Variants in VPS54 observed in about 807,000 individuals in gnomAD.
The protein encoded by VPS54 is VPS54 subunit of GARP complex.
Under a neutral mutation model 121.5 loss-of-function variants are expected in VPS54, and 45 were observed. That is an observed-to-expected ratio of 0.37 (90% CI 0.29 to 0.47). The LOEUF is 0.47. Among genes scored for constraint, VPS54 ranks in the 20% least tolerant of loss-of-function variants. The probability of loss-of-function intolerance (pLI) is 0.99; values close to 1 mark genes in which losing one functional copy is unlikely to be tolerated. For synonymous variants in VPS54, 371 were observed against 385.8 expected (o/e 0.96, Z 0.45); for missense variants, 1,090 against 1,131.4 (o/e 0.96, Z 0.52).
chr2:63,919,625 A>T (rs1673547428), intron 15 of VPS54, among the ~76,000 whole-genome samples: 1 of 152,126 alleles, frequency 6.6e-6, no homozygotes, highest in Non-Finnish European at 1.5e-5. Flanking sequence ...TACCTGTATC[A>T]CAGATCGTTG....
At chr2:64,010,202 C>T (rs952849307) in intron 1 of VPS54, among the ~76,000 whole-genome samples, 8 of 152,140 alleles carry the variant, frequency 5.3e-5, no homozygotes, top group Admixed American at 5.2e-4. Context: ...TTTGAGAAAA[C>T]ATGGATAAAG....
rs973537099 is a variant in VPS54 at position 63,892,768 on chromosome 2, G to A, written c.*662C>T. ...ATTAATTACTTAAAAAAAGGCTTAAGTCTTTCAGGTATTTAGAGAGCTCTG... is the reference window on the plus strand; with the variant it reads ...ATTAATTACTTAAAAAAAGGCTTAAATCTTTCAGGTATTTAGAGAGCTCTG... On this transcript the variant is annotated 3_prime_UTR_variant, in exon 23 of 23. Transcript: ENST00000272322. 6.6e-6 allele frequency: 1 copy of A among 151,898 alleles called. No individual in the cohort carries two copies. Among genetic ancestry groups the A allele is most frequent in the African/African-American group, 2.4e-5 (1 of 41,204 alleles). The allele number at this position is 151,898 out of a possible 1,614,324, so 9.4% of individuals were successfully genotyped here. A position where few individuals can be genotyped will look rare whatever the true frequency, so the allele number is the denominator to read the frequency against.
chr2:64,012,052 T>A (rs1251528619), intron 1 of VPS54, among the ~76,000 whole-genome samples: 5 of 152,132 alleles, frequency 3.3e-5, no homozygotes, highest in African/African-American at 7.2e-5. Context: ...AAACAAACAA[T>A]AAATTAGTAT....
At chr2:63,933,501 A>ACCTC (rs1674310302) in intron 12 of VPS54, among the ~76,000 whole-genome samples, 172 bp downstream of exon 12, 1 of 152,112 alleles carries the variant, frequency 6.6e-6, no homozygotes, top group Non-Finnish European at 1.5e-5. Context: ...TCCAATGCTC[A>ACCTC]CCTCCTTACT....
At chr2:63,974,738 T>C (rs1293883677) in intron 3 of VPS54, among the ~76,000 whole-genome samples, 2 of 152,186 alleles carry the variant, frequency 1.3e-5, no homozygotes, top group African/African-American at 4.8e-5. Flanking sequence ...CAATTGTTCA[T>C]TGCTGGTATA....
intron 11 of VPS54, among the ~76,000 whole-genome samples, chr2:63,934,761 T>C (rs1674376075): frequency 6.6e-6 from 1 of 152,204 alleles, no homozygotes; most frequent in Non-Finnish European, 1.5e-5. Context: ...GTCAGCTCCA[T>C]TCCATGACAC....
chr2:63,991,727 G>T (rs182811231), intron 1 of VPS54, among the ~76,000 whole-genome samples: 2 of 152,080 alleles, frequency 1.3e-5, no homozygotes, highest in South Asian at 2.1e-4. Flanking sequence ...TGGGAAGTGG[G>T]ACCAGTCCCA....
Position 63,962,351 on chromosome 2 carries a change from G to T in VPS54, c.717C>A (p.His239Gln). 6.2e-7 allele frequency: 1 copy of T among 1,613,956 alleles called. No individual in the cohort carries two copies. Among genetic ancestry groups the T allele is most frequent in the Non-Finnish European group, 8.5e-7 (1 of 1,179,910 alleles). ...TTTTCCTGAGGTAGTCCTGCAACTC[G>T]TGTTGAGAGGTCATTGCATGAAAAA... is the stretch of plus-strand genomic sequence containing the variant. ...EAFFHAMTSQ[H>Q]ELQDYLRKTS... Residue 239 changes from histidine (H) to glutamine (Q), a missense_variant, in exon 7 of 23, where the codon CAC becomes CAA. Coordinates refer to ENST00000272322, the MANE Select transcript of VPS54 (RefSeq NM_016516.3).
chr2:63,943,820 G>A (rs1256594855), intron 10 of VPS54, among the ~76,000 whole-genome samples: 1 of 150,014 alleles, frequency 6.7e-6, no homozygotes, highest in Non-Finnish European at 1.5e-5. Flanking sequence ...GACCTCCCAG[G>A]CTCAAACCAT....
chr2:63,992,253 G>A (rs1194226446), intron 1 of VPS54, among the ~76,000 whole-genome samples: 3 of 152,328 alleles, frequency 2.0e-5, no homozygotes, highest in South Asian at 4.1e-4. Context: ...TTGGATTAAT[G>A]TAATTTCTGA....
At chr2:63,896,025 A>AC (rs1017133489) in intron 22 of VPS54, among the ~76,000 whole-genome samples, 1 of 152,176 alleles carries the variant, frequency 6.6e-6, no homozygotes, top group African/African-American at 2.4e-5. Flanking sequence ...TCTTTAAGGT[A>AC]CCCAGTATAC....
At chr2:63,947,346 C>G in intron 9 of VPS54, 37 bp downstream of exon 9, 1 of 1,488,134 alleles carries the variant, frequency 6.7e-7, no homozygotes, top group Non-Finnish European at 9.1e-7. Context: ...CACAAAGGTT[C>G]CAGACCAAAA....
At position 63,899,528 on chromosome 2, in the gene VPS54, T is replaced by C; in HGVS notation, c.2679A>G (p.Gln893=). The C allele has an allele frequency of 1.2e-6, 2 of 1,613,908 alleles. No individual in the cohort carries two copies. Among genetic ancestry groups the C allele is most frequent in the Non-Finnish European group, 8.5e-7 (1 of 1,179,960 alleles). The part of the protein sequence containing the change: ...PSACFRNICK[Q]MTKMHEAIFD... ...ATATAGCTTCGTGCATTTTTGTCATTTGCTTACAAATATTCCTGAAACAGG... is the reference window on the plus strand; with the variant it reads ...ATATAGCTTCGTGCATTTTTGTCATCTGCTTACAAATATTCCTGAAACAGG... Residue 893 remains glutamine (Q), a synonymous_variant, in exon 21 of 23, where the codon CAA becomes CAG. Transcript: ENST00000272322.
intron 7 of VPS54, among the ~76,000 whole-genome samples, chr2:63,957,080 T>C (rs1444839162): frequency 6.6e-6 from 1 of 152,190 alleles, no homozygotes; most frequent in Non-Finnish European, 1.5e-5. Context: ...TGATATATAT[T>C]GTTTCAATGA....
At chr2:63,913,069 T>C (rs1673223299) in intron 18 of VPS54, among the ~76,000 whole-genome samples, 154 bp downstream of exon 18, 1 of 152,000 alleles carries the variant, frequency 6.6e-6, no homozygotes, top group Non-Finnish European at 1.5e-5. Context: ...TTTTTTTCAG[T>C]GATGAGTATA....
chr2:63,965,704 C>G, intron 6 of VPS54, 131 bp downstream of exon 6: 1 of 1,300,892 alleles, frequency 7.7e-7, no homozygotes, highest in Middle Eastern at 2.6e-4. Flanking sequence ...GATTGGGAGG[C>G]TTATAGTTAT....
chr2:63,962,318 C>T lies in VPS54; in HGVS notation c.750G>A (p.Gln250=), dbSNP rs779056829. The T allele has an allele frequency of 6.2e-7, 1 of 1,613,944 alleles. No individual in the cohort carries two copies. ...ELQDYLRKTS[Q]AVKMLRDKIA... ...TTTTATCTCGAAGCATTTTTACAGCCTGGGAAGTTTTCCTGAGGTAGTCCT... is the reference window on the plus strand; with the variant it reads ...TTTTATCTCGAAGCATTTTTACAGCTTGGGAAGTTTTCCTGAGGTAGTCCT... The change falls in exon 7 of 23, where the codon CAG becomes CAA. Residue 250 remains glutamine, a synonymous_variant. Transcript: ENST00000272322.
chr2:63,921,757 A>G (rs545643553), intron 12 of VPS54, among the ~76,000 whole-genome samples: 115 of 152,296 alleles, frequency 7.6e-4, no homozygotes, highest in Non-Finnish European at 1.2e-3. Context: ...GCTAGGATTT[A>G]CAAGTGTGAG....
chr2:63,928,385 A>C (rs200817179), intron 12 of VPS54, among the ~76,000 whole-genome samples: 1 of 152,340 alleles, frequency 6.6e-6, no homozygotes, highest in East Asian at 1.9e-4. Context: ...TTTTCAACCC[A>C]GAATTTCATA....
Sources: allele counts gnomAD v4.1 joint callset (sites outside exome capture counted in the v4.1 genomes callset), GRCh38; gene constraint gnomAD v4.1.1; transcripts MANE v1.5; gene names NCBI Gene and HGNC (gene_info 2026-07-23, HGNC 2026-07-21).